The following RAPGEF2 variants were observed in gnomAD, a reference collection of about 807,000 sequenced individuals.
The protein encoded by RAPGEF2 is Rap guanine nucleotide exchange factor 2.
A neutral mutation model predicts 186.7 loss-of-function variants in RAPGEF2; 54 were observed. That is an observed-to-expected ratio of 0.29 (90% CI 0.23 to 0.36). RAPGEF2 has a LOEUF of 0.36. RAPGEF2 is among the 10% of genes least tolerant of loss of function. The probability of loss-of-function intolerance (pLI) is 1.00; values close to 1 mark genes in which losing one functional copy is unlikely to be tolerated. For synonymous variants in RAPGEF2, 712 were observed against 705.9 expected (o/e 1.01, Z -0.14); for missense variants, 1,532 against 2,045.0 (o/e 0.75, Z 4.84).
At chr4:159,181,255 C>A (rs543238274) in intron 1 of RAPGEF2, among the ~76,000 whole-genome samples, 1 of 152,138 alleles carries the variant, frequency 6.6e-6, no homozygotes, top group Non-Finnish European at 1.5e-5. Context: ...GCCTTAAGGC[C>A]GTTCTTTGAT....
chr4:159,172,621 CAT>C (rs996674541), intron 1 of RAPGEF2, among the ~76,000 whole-genome samples: 2 of 152,152 alleles, frequency 1.3e-5, no homozygotes, highest in Non-Finnish European at 2.9e-5. Flanking sequence ...CAAATGTACA[CAT>C]GTACAATTTT....
At chr4:159,156,732 C>A (rs61301075) in intron 1 of RAPGEF2, among the ~76,000 whole-genome samples, 9,856 of 152,120 alleles carry the variant, frequency 0.065, 1,102 homozygotes, top group African/African-American at 0.22. Context: ...GAGTGAGAAC[C>A]TGCGGTGTTT....
intron 17 of RAPGEF2, among the ~76,000 whole-genome samples, chr4:159,337,889 CAAAAAA>C (rs553291521): frequency 8.0e-4 from 26 of 32,582 alleles, no homozygotes; most frequent in African/African-American, 1.1e-3. Flanking sequence ...GACTCCATCT[CAAAAAA>C]AAAAAAAAAA....
At chr4:159,162,581 A>C (rs1744833599) in intron 1 of RAPGEF2, among the ~76,000 whole-genome samples, 1 of 152,180 alleles carries the variant, frequency 6.6e-6, no homozygotes, top group Non-Finnish European at 1.5e-5. Flanking sequence ...CTACATCTGC[A>C]CAGTGTCTGC....
rs1212099011 is a variant in RAPGEF2 at position 159,359,366 on chromosome 4, A to G, written c.*1227A>G. The G allele has an allele frequency of 6.6e-6, 1 of 152,200 alleles. No individual in the cohort carries two copies. The highest frequency in any genetic ancestry group is 2.4e-5 in the African/African-American group (1 of 41,452). The allele number at this position is 152,200 out of a possible 1,614,324, so 9.4% of individuals were successfully genotyped here. On this transcript the variant is annotated 3_prime_UTR_variant, in exon 30 of 30. Coordinates refer to ENST00000691494, the MANE Select transcript of RAPGEF2 (RefSeq NM_001394067.2). ...GCCTTTGCAAGGCAGGTTAGTCACCAAAGACTAACCTCCAAGTGGCTTTAT... is the reference window on the plus strand; with the variant it reads ...GCCTTTGCAAGGCAGGTTAGTCACCGAAGACTAACCTCCAAGTGGCTTTAT...
intron 11 of RAPGEF2, chr4:159,327,712 A>AT (rs905045329): frequency 9.2e-5 from 14 of 152,170 alleles, no homozygotes; most frequent in African/African-American, 3.4e-4. Flanking sequence ...TTAAAATTAA[A>AT]TGTTACCTGT....
intron 29 of RAPGEF2, 137 bp from the exon 30 acceptor site, chr4:159,357,975 GAC>G: frequency 1.3e-6 from 1 of 799,880 alleles, no homozygotes; most frequent in Non-Finnish European, 1.8e-6. Context: ...AGGAAAAAAA[GAC>G]AAGGATTCTA....
intron 4 of RAPGEF2, among the ~76,000 whole-genome samples, chr4:159,235,969 T>G (rs1253330559): frequency 6.6e-6 from 1 of 152,218 alleles, no homozygotes; most frequent in Non-Finnish European, 1.5e-5. Context: ...AGGCCTAGCG[T>G]GTGCACTCAT....
intron 26 of RAPGEF2, chr4:159,351,143 GTAACAAGAA>G (rs1319797477): frequency 2.0e-6 from 3 of 1,535,572 alleles, no homozygotes; most frequent in Non-Finnish European, 2.6e-6. Context: ...AGTGAGAACA[GTAACAAGAA>G]TAACAATGCA....
chr4:159,126,840 C>T (rs1430259626), intron 1 of RAPGEF2, among the ~76,000 whole-genome samples: 1 of 152,152 alleles, frequency 6.6e-6, no homozygotes, highest in African/African-American at 2.4e-5. Context: ...CCCGAGTCCT[C>T]ATTTCTCATT....
At position 159,343,142 on chromosome 4, in the gene RAPGEF2, A is replaced by G; in HGVS notation, c.3082A>G (p.Ile1028Val). The G allele has an allele frequency of 6.2e-7, 1 of 1,614,030 alleles. No homozygotes were observed. The highest frequency in any genetic ancestry group is 8.5e-7 in the Non-Finnish European group (1 of 1,179,950). The change falls in exon 21 of 30, where the codon ATC becomes GTC. Residue 1028 changes from isoleucine (I) to valine (V), a missense_variant. Physicochemically the swap from Ile to Val is conservative, Grantham distance 29. Around this residue, in one of 4 missense-constraint regions of RAPGEF2, gnomAD observed 11 missense variants for 45.2 expected, o/e 0.24. Coordinates refer to ENST00000691494, the MANE Select transcript of RAPGEF2 (RefSeq NM_001394067.2). ...TAGTCAAAATCTACAACCTCCCATA[A>G]TCCCTCTATTCCCAGTTATCAAAAA... ...LNSQNLQPPI[I>V]PLFPVIKKDL...
intron 3 of RAPGEF2, among the ~76,000 whole-genome samples, chr4:159,199,300 A>G (rs1749155392): frequency 6.6e-6 from 1 of 152,154 alleles, no homozygotes; most frequent in South Asian, 2.1e-4. Flanking sequence ...TTATATTACT[A>G]TTTTAAAATG....
At chr4:159,155,331 AT>A (rs1744001386) in intron 1 of RAPGEF2, among the ~76,000 whole-genome samples, 1 of 152,198 alleles carries the variant, frequency 6.6e-6, no homozygotes, top group Non-Finnish European at 1.5e-5. Flanking sequence ...CCTTTTGCAC[AT>A]TTCCTCGTCC....
At chr4:159,308,023 G>A (rs1224782068) in intron 8 of RAPGEF2, among the ~76,000 whole-genome samples, 1 of 152,124 alleles carries the variant, frequency 6.6e-6, no homozygotes, top group African/African-American at 2.4e-5. Flanking sequence ...TATTCTGAGG[G>A]GAATTCTAGT....
intron 7 of RAPGEF2, among the ~76,000 whole-genome samples, chr4:159,279,994 A>AT (rs1759476057): frequency 6.6e-6 from 1 of 151,972 alleles, no homozygotes; most frequent in South Asian, 2.1e-4. Context: ...CTATATGCAC[A>AT]TTTTCTCTTG....
At chr4:159,137,989 G>A (rs1741906753) in intron 1 of RAPGEF2, among the ~76,000 whole-genome samples, 1 of 152,160 alleles carries the variant, frequency 6.6e-6, no homozygotes, top group Admixed American at 6.5e-5. Context: ...GTCCACATAA[G>A]ATTTTATTGC....
In RAPGEF2 at chr4:159,175,296, A is replaced by AT. The variant is rs34314830; in HGVS notation, c.70-11336dup. ...TAATTATTGTAACTCTAAAATAATA[A>AT]TTTTTTTTTTGAAAACCATACACTC... On this transcript the variant is annotated intron_variant, in intron 1 of 29. Coordinates refer to ENST00000691494, the MANE Select transcript of RAPGEF2 (RefSeq NM_001394067.2). Among the ~76,000 whole-genome samples the AT allele has an allele frequency of 1.7e-3, 258 of 150,922 alleles. 1 individual carries two copies. The highest frequency in any genetic ancestry group is 5.8e-3 in the African/African-American group (240 of 41,054).
At chr4:159,213,466 A>T (rs1383410377) in intron 4 of RAPGEF2, among the ~76,000 whole-genome samples, 1 of 152,198 alleles carries the variant, frequency 6.6e-6, no homozygotes, top group Non-Finnish European at 1.5e-5. Flanking sequence ...TTGACGGGTA[A>T]TTCACCTTGA....
intron 7 of RAPGEF2, among the ~76,000 whole-genome samples, chr4:159,246,178 A>G (rs1754612959): frequency 1.3e-5 from 2 of 152,200 alleles, no homozygotes; most frequent in Admixed American, 1.3e-4. Context: ...ACTGCAGAGT[A>G]CTGTTTCATA....
Sources: allele counts gnomAD v4.1 joint callset (sites outside exome capture counted in the v4.1 genomes callset), GRCh38; gene constraint gnomAD v4.1.1; regional missense constraint gnomAD v4.1.1; transcripts MANE v1.5; gene names NCBI Gene and HGNC (gene_info 2026-07-23, HGNC 2026-07-21).